Variants in DPP10 observed in about 807,000 individuals in gnomAD.
The protein encoded by DPP10 is dipeptidyl peptidase like 10.
A neutral mutation model predicts 120.9 loss-of-function variants in DPP10; 33 were observed. The ratio of observed to expected loss-of-function variants is 0.27; its 90% CI spans 0.21 to 0.37. The LOEUF (loss-of-function observed/expected upper bound fraction) is 0.37. Ranked by LOEUF, DPP10 falls within the 10% of genes least tolerant of loss-of-function variation. The pLI is 1.00. For missense variants in DPP10, 816 were observed against 942.8 expected (o/e 0.87, Z 1.76); for synonymous variants, 337 against 326.1 (o/e 1.03, Z -0.36).
At chr2:115,376,641 G>A (rs1164699300) in intron 3 of DPP10, among the ~76,000 whole-genome samples, 9 of 150,750 alleles carry the variant, frequency 6.0e-5, no homozygotes, top group Admixed American at 3.3e-4. Context: ...ATGCTGGTGC[G>A]CTGCACCCAC....
At chr2:115,186,081 T>C (rs946804907) in intron 1 of DPP10, among the ~76,000 whole-genome samples, 1 of 152,248 alleles carries the variant, frequency 6.6e-6, no homozygotes, top group Non-Finnish European at 1.5e-5. Context: ...GTCTATTATG[T>C]TGACTTCATG....
At position 115,530,703 on chromosome 2, in the gene DPP10, A is replaced by C. The variant is rs537930889; in HGVS notation, c.441+4731A>C. On this transcript the variant is annotated intron_variant, in intron 5 of 25. Coordinates refer to ENST00000410059, the MANE Select transcript of DPP10 (RefSeq NM_020868.6). ...TCAAAAAAAAAAATTAAATAAAGAA[A>C]TAGATAAATAAATAAATAAGGCAAG... Among the ~76,000 whole-genome samples the C allele has an allele frequency of 7.9e-5, 12 of 152,156 alleles. No individual in the cohort carries two copies. In the South Asian group the frequency reaches 8.3e-4, roughly 11 times the overall value.
At chr2:115,100,538 A>G (rs2048635504) in intron 1 of DPP10, among the ~76,000 whole-genome samples, 1 of 152,100 alleles carries the variant, frequency 6.6e-6, no homozygotes, top group Non-Finnish European at 1.5e-5. Flanking sequence ...ATATATTTGT[A>G]TATACGTATG....
intron 3 of DPP10, among the ~76,000 whole-genome samples, chr2:115,490,510 T>C (rs1381061431): frequency 6.6e-6 from 1 of 152,248 alleles, no homozygotes; most frequent in African/African-American, 2.4e-5. Flanking sequence ...TTACCTACAA[T>C]TCCGATCTCC....
chr2:115,743,283 T>C (rs1341448138), intron 9 of DPP10, among the ~76,000 whole-genome samples: 1 of 152,094 alleles, frequency 6.6e-6, no homozygotes, highest in Non-Finnish European at 1.5e-5. Context: ...TGCTGGACTG[T>C]TGAATTTTGG....
intron 1 of DPP10, among the ~76,000 whole-genome samples, chr2:114,506,929 T>C (rs187014555): frequency 2.0e-5 from 3 of 152,358 alleles, no homozygotes; most frequent in East Asian, 3.9e-4. Flanking sequence ...ATACATTTCA[T>C]GTGACTGATC....
chr2:115,270,833 A>G (rs1574243392), intron 1 of DPP10, among the ~76,000 whole-genome samples: 1 of 152,196 alleles, frequency 6.6e-6, no homozygotes, highest in Non-Finnish European at 1.5e-5. Context: ...GAAGCTACTG[A>G]CTGTCAATTA....
At chr2:115,810,140 C>T (rs567622451) in intron 19 of DPP10, among the ~76,000 whole-genome samples, 5 of 149,178 alleles carry the variant, frequency 3.4e-5, no homozygotes, top group African/African-American at 7.4e-5. Context: ...CCAGCCTGGG[C>T]GACAGAGCGA....
intron 1 of DPP10, among the ~76,000 whole-genome samples, chr2:115,258,242 G>A (rs930181160): frequency 2.0e-5 from 3 of 152,132 alleles, no homozygotes; most frequent in South Asian, 2.1e-4. Context: ...ATTTAAGCAG[G>A]TCAGCAGTGA....
intron 5 of DPP10, among the ~76,000 whole-genome samples, chr2:115,633,818 A>G (rs1158818753): frequency 6.6e-6 from 1 of 151,908 alleles, no homozygotes; most frequent in Non-Finnish European, 1.5e-5. Context: ...CCTGAATTTG[A>G]ATGTTCACCT....
intron 1 of DPP10, among the ~76,000 whole-genome samples, chr2:114,827,456 C>T (rs1188504793): frequency 6.6e-6 from 1 of 152,056 alleles, no homozygotes; most frequent in Non-Finnish European, 1.5e-5. Context: ...GGGGACAAGA[C>T]CACAACTGCA....
intron 1 of DPP10, among the ~76,000 whole-genome samples, chr2:114,918,928 C>T (rs1009182720): frequency 2.0e-5 from 3 of 149,916 alleles, no homozygotes; most frequent in African/African-American, 4.9e-5. Flanking sequence ...AACGTGCACA[C>T]GTACCCCCGA....
At chr2:115,647,882 C>T (rs574968761) in intron 5 of DPP10, among the ~76,000 whole-genome samples, 12 of 152,208 alleles carry the variant, frequency 7.9e-5, no homozygotes, top group Admixed American at 1.3e-4. Flanking sequence ...TTAATGCTAC[C>T]GCATTGAAAA....
At chr2:115,161,238 C>T (rs1365941815) in intron 1 of DPP10, 1 of 152,296 alleles carries the variant, frequency 6.6e-6, no homozygotes, top group Non-Finnish European at 1.5e-5. Flanking sequence ...CAGACACGCC[C>T]TCGGGTCCCG....
rs139155976 is a variant in DPP10, at chr2:114,560,640, TCTCA to T, written c.60+117806_60+117809del. On this transcript the variant is annotated intron_variant, in intron 1 of 25. Coordinates refer to ENST00000410059, the MANE Select transcript of DPP10 (RefSeq NM_020868.6). ...CAGATGATGCGTCTGTACTTTCCAG[TCTCA>T]CTCTGCTCCCCTCACCACCTCTCCA... 6.2e-4 allele frequency among the ~76,000 whole-genome samples: 94 copies of T among 152,154 alleles called. 1 individual carries two copies. The East Asian group carries it at 0.018, about 29-fold the overall frequency.
intron 3 of DPP10, among the ~76,000 whole-genome samples, chr2:115,436,399 G>GT (rs2071494750): frequency 1.1e-5 from 1 of 90,176 alleles, no homozygotes; most frequent in African/African-American, 3.2e-5. Context: ...ATTGCAAAAA[G>GT]ATTTTTTTTT....
At chr2:115,277,467 T>C (rs2059967065) in intron 1 of DPP10, among the ~76,000 whole-genome samples, 1 of 144,882 alleles carries the variant, frequency 6.9e-6, no homozygotes, top group Admixed American at 6.9e-5. Context: ...TTTTTTTTTT[T>C]TTTTTTTTTT....
chr2:115,318,129 G>A (rs1032903358), intron 2 of DPP10, among the ~76,000 whole-genome samples: 1 of 151,974 alleles, frequency 6.6e-6, no homozygotes, highest in Non-Finnish European at 1.5e-5. Context: ...TATGGTGTGA[G>A]TTAGGGAGTC....
At chr2:114,909,071 A>C (rs1199411036) in intron 1 of DPP10, among the ~76,000 whole-genome samples, 5 of 151,826 alleles carry the variant, frequency 3.3e-5, no homozygotes, top group Non-Finnish European at 5.9e-5. Flanking sequence ...TATTCCATCT[A>C]AGTTTTCAAA....
Sources: allele counts gnomAD v4.1 joint callset (sites outside exome capture counted in the v4.1 genomes callset), GRCh38; gene constraint gnomAD v4.1.1; transcripts MANE v1.5; gene names NCBI Gene and HGNC (gene_info 2026-07-23, HGNC 2026-07-21).